Variants in ST6GAL2 observed in about 807,000 individuals in gnomAD.
ST6GAL2 encodes beta-galactoside alpha-2,6-sialyltransferase 2.
A neutral mutation model predicts 37.5 loss-of-function variants in ST6GAL2; 24 were observed. The observed-to-expected ratio is 0.64, with a 90% CI of 0.46 to 0.90. ST6GAL2 has a LOEUF of 0.90. Among genes scored for constraint, ST6GAL2 ranks in the 40% least tolerant of loss-of-function variants. The pLI is 0.00. For missense variants in ST6GAL2, 715 were observed against 712.7 expected, an observed-to-expected ratio of 1.00 and a Z score of -0.04; for synonymous variants, 306 against 295.1, an observed-to-expected ratio of 1.04 and a Z score of -0.38.
At chr2:106,849,754 A>G (rs1677284059) in intron 1 of ST6GAL2, among the ~76,000 whole-genome samples, 1 of 151,988 alleles carries the variant, frequency 6.6e-6, no homozygotes, top group African/African-American at 2.4e-5. Flanking sequence ...GGCTTCCACA[A>G]CCCCTCTTAA....
At chr2:106,848,369 C>A (rs1332597897) in intron 1 of ST6GAL2, among the ~76,000 whole-genome samples, 1 of 152,204 alleles carries the variant, frequency 6.6e-6, no homozygotes, top group South Asian at 2.1e-4. Flanking sequence ...TTGTTTCTGA[C>A]TGGTAGTCAC....
At chr2:106,860,314 G>A (rs912587688) in intron 1 of ST6GAL2, among the ~76,000 whole-genome samples, 1 of 152,218 alleles carries the variant, frequency 6.6e-6, no homozygotes, top group Admixed American at 6.5e-5. Context: ...GCCTGGAACA[G>A]TGCCTGGCAT....
At chr2:106,831,453 A>T (rs995448000) in intron 4 of ST6GAL2, among the ~76,000 whole-genome samples, 1 of 152,236 alleles carries the variant, frequency 6.6e-6, no homozygotes, top group Admixed American at 6.5e-5. Context: ...GTGAGAGCTT[A>T]AAACCAGGGA....
chr2:106,812,961 G>A (rs1181253695), intron 5 of ST6GAL2: 1 of 1,015,670 alleles, frequency 9.8e-7, no homozygotes, highest in Non-Finnish European at 1.3e-6. Context: ...ACTAATGAAA[G>A]TTTTACTGCT....
In ST6GAL2 at chr2:106,827,263, T is replaced by G. The variant is rs572580468; in HGVS notation, c.1318+2803A>C. Among the ~76,000 whole-genome samples, 83 of 152,306 alleles carry G rather than the reference T, an allele frequency of 5.4e-4. 1 individual carries two copies. In the South Asian group the frequency reaches 0.017, roughly 31 times the overall value. ...CAGATTGAGATATGGGTGACATCAT[T>G]TTACTGCTATTTAAGGATGTTGGAT... On this transcript the variant is annotated intron_variant, in intron 5 of 5. Coordinates refer to ENST00000409382, the MANE Select transcript of ST6GAL2 (RefSeq NM_001142351.2).
intron 1 of ST6GAL2, among the ~76,000 whole-genome samples, chr2:106,859,525 C>T (rs983287307): frequency 6.6e-6 from 1 of 152,200 alleles, no homozygotes; most frequent in Non-Finnish European, 1.5e-5. Context: ...TCTTCCCCAT[C>T]CCGTAAATAG....
chr2:106,833,895 T>C (rs1676525721), intron 3 of ST6GAL2, among the ~76,000 whole-genome samples, 154 bp downstream of exon 3: 1 of 152,216 alleles, frequency 6.6e-6, no homozygotes, highest in African/African-American at 2.4e-5. Context: ...TTCATTAATT[T>C]CTATTAATTA....
chr2:106,801,733 C>T lies in ST6GAL2; in HGVS notation c.*4945G>A, dbSNP rs1293875010. ...TACAAACACTTTTAAAATGCGACTC[C>T]TGGAAAACTTCAAGCTTTAATTAGT... is the stretch of plus-strand genomic sequence containing the variant. On this transcript the variant is annotated 3_prime_UTR_variant, in exon 6 of 6. Coordinates refer to ENST00000409382, the MANE Select transcript of ST6GAL2 (RefSeq NM_001142351.2). 1 of 152,206 alleles carries T rather than the reference C, an allele frequency of 6.6e-6. No homozygotes were observed. The highest frequency in any genetic ancestry group is 2.4e-5 in the African/African-American group (1 of 41,444). The allele number at this position is 152,206 out of a possible 1,614,324, so 9.4% of individuals were successfully genotyped here.
At chr2:106,870,057 G>C (rs942114495) in intron 1 of ST6GAL2, among the ~76,000 whole-genome samples, 2 of 152,210 alleles carry the variant, frequency 1.3e-5, no homozygotes, top group African/African-American at 4.8e-5. Flanking sequence ...TGGCCAGTGA[G>C]AGGAGGGTGG....
At chr2:106,821,735 T>C (rs1676011085) in intron 5 of ST6GAL2, among the ~76,000 whole-genome samples, 1 of 152,046 alleles carries the variant, frequency 6.6e-6, no homozygotes, top group Non-Finnish European at 1.5e-5. Flanking sequence ...CCAATATCTT[T>C]GATGAATATT....
rs1677191786 is a variant in ST6GAL2 at position 106,847,545 on chromosome 2, T to C, written c.-57-3511A>G. 2.0e-5 allele frequency among the ~76,000 whole-genome samples: 3 copies of C among 152,272 alleles called. No homozygotes were observed. In the South Asian group the frequency reaches 6.2e-4, roughly 32 times the overall value. ...AGGCCTCCAGGAGACTGCCCTCGTTTCACATGCCAGCTGTGTGGATTTGCA... is the reference window on the plus strand; with the variant it reads ...AGGCCTCCAGGAGACTGCCCTCGTTCCACATGCCAGCTGTGTGGATTTGCA... On this transcript the variant is annotated intron_variant, in intron 1 of 5. Transcript: ENST00000409382.
chr2:106,826,455 G>C (rs1676208137), intron 5 of ST6GAL2, among the ~76,000 whole-genome samples: 2 of 151,300 alleles, frequency 1.3e-5, no homozygotes, highest in Admixed American at 1.3e-4. Context: ...CAGGAGAATT[G>C]CTTGAACCTG....
At chr2:106,865,540 G>GT (rs1677989851) in intron 1 of ST6GAL2, among the ~76,000 whole-genome samples, 2 of 152,222 alleles carry the variant, frequency 1.3e-5, no homozygotes. Flanking sequence ...GCAGGTAACA[G>GT]TAACAGGTAG....
At position 106,844,005 on chromosome 2, in the gene ST6GAL2, G is replaced by C; in HGVS notation, c.-28C>G. 2.0e-6 allele frequency: 3 copies of C among 1,523,120 alleles called. No homozygotes were observed. The highest frequency in any genetic ancestry group is 2.6e-6 in the Non-Finnish European group (3 of 1,137,242). 94.4% of individuals were successfully genotyped at this position (1,523,120 alleles called of 1,614,324 possible). ...CAGGTCTCTGCGGTCAGCACCTTGTGTCTTAATGCAGATGGGTGGCAGAAT... is the reference window on the plus strand; with the variant it reads ...CAGGTCTCTGCGGTCAGCACCTTGTCTCTTAATGCAGATGGGTGGCAGAAT... On this transcript the variant is annotated 5_prime_UTR_variant, in exon 2 of 6. Transcript: ENST00000409382.
intron 5 of ST6GAL2, among the ~76,000 whole-genome samples, chr2:106,823,960 A>T (rs924592097): frequency 1.3e-5 from 2 of 152,140 alleles, no homozygotes; most frequent in African/African-American, 4.8e-5. Flanking sequence ...ACCTCCTAAT[A>T]ACATCACCTT....
At chr2:106,836,745 T>C (rs774700072) in intron 2 of ST6GAL2, among the ~76,000 whole-genome samples, 31 of 120,822 alleles carry the variant, frequency 2.6e-4, no homozygotes, top group Non-Finnish European at 4.3e-4. Context: ...CTGACCACCA[T>C]GGAGAAACCC....
At chr2:106,880,898 G>C (rs1678722257) in intron 1 of ST6GAL2, among the ~76,000 whole-genome samples, 1 of 152,154 alleles carries the variant, frequency 6.6e-6, no homozygotes, top group Non-Finnish European at 1.5e-5. Flanking sequence ...GTACCTACTT[G>C]CAAGTGTGTG....
intron 1 of ST6GAL2, among the ~76,000 whole-genome samples, chr2:106,859,764 C>T (rs1227964804): frequency 1.3e-5 from 2 of 152,180 alleles, no homozygotes; most frequent in Non-Finnish European, 2.9e-5. Context: ...CTGCTTCTAT[C>T]CTGTCTTTCC....
At chr2:106,806,986 A>C in intron 5 of ST6GAL2, 37 bp from the exon 6 acceptor site, 2 of 1,553,994 alleles carry the variant, frequency 1.3e-6, no homozygotes, top group Non-Finnish European at 1.8e-6. Flanking sequence ...CTAATGAACA[A>C]CTCCATGTGA....
Sources: gnomAD v4.1 joint callset for allele counts (sites outside exome capture counted in the v4.1 genomes callset) on GRCh38, gnomAD v4.1.1 for gene constraint, MANE v1.5 for transcripts, NCBI Gene and HGNC (gene_info 2026-07-23, HGNC 2026-07-21) for gene names.